Variants in PKHD1 observed in about 807,000 individuals in gnomAD.
PKHD1 encodes the protein fibrocystin.
A neutral mutation model predicts 412.0 loss-of-function variants in PKHD1; 291 were observed. That is an observed-to-expected ratio of 0.71 (90% CI 0.64 to 0.78). PKHD1 has a LOEUF of 0.78. Ranked by LOEUF, PKHD1 falls within the 30% of genes least tolerant of loss-of-function variation. The pLI, the probability that PKHD1 is intolerant of heterozygous loss-of-function variation, is 0.00. For missense variants in PKHD1, 4,825 were observed against 4,950.7 expected (o/e 0.97, Z 0.76); for synonymous variants, 1,777 against 1,821.5 (o/e 0.98, Z 0.62).
chr6:51,821,087 C>T (rs1269790648), intron 52 of PKHD1, among the ~76,000 whole-genome samples: 1 of 152,170 alleles, frequency 6.6e-6, no homozygotes, highest in Admixed American at 6.5e-5. Flanking sequence ...TATGCAATCA[C>T]TCAGTTTCCC....
At chr6:51,814,943 C>T (rs140296191) in intron 52 of PKHD1, among the ~76,000 whole-genome samples, 88 of 152,186 alleles carry the variant, frequency 5.8e-4, no homozygotes, top group African/African-American at 1.9e-3. Context: ...TAAATAAATG[C>T]TAATGTAGAA....
chr6:52,084,733 G>A (rs1812506763), intron 2 of PKHD1, 149 bp downstream of exon 2: 1 of 712,390 alleles, frequency 1.4e-6, no homozygotes, highest in Admixed American at 1.9e-5. Flanking sequence ...TCTGAAAACA[G>A]TATTTTTAAC....
At chr6:52,063,730 C>T (rs1351538063) in intron 13 of PKHD1, among the ~76,000 whole-genome samples, 1 of 152,200 alleles carries the variant, frequency 6.6e-6, no homozygotes, top group Non-Finnish European at 1.5e-5. Flanking sequence ...CCACCACTTC[C>T]GGTCTAACAG....
At chr6:51,823,225 G>A (rs751284498) in intron 52 of PKHD1, among the ~76,000 whole-genome samples, 35 of 152,266 alleles carry the variant, frequency 2.3e-4, no homozygotes, top group Non-Finnish European at 2.9e-5. Flanking sequence ...GGAGACTGAG[G>A]TGGAGTATTT....
At chr6:52,023,060 A>G in intron 32 of PKHD1, 116 bp from the exon 33 acceptor site, 1 of 1,223,382 alleles carries the variant, frequency 8.2e-7, no homozygotes, top group South Asian at 1.3e-5. Flanking sequence ...CATCCTCAGA[A>G]TCCGCACAAC....
At chr6:51,949,629 G>A (rs1022890663) in intron 36 of PKHD1, among the ~76,000 whole-genome samples, 20 of 152,182 alleles carry the variant, frequency 1.3e-4, no homozygotes, top group Admixed American at 9.8e-4. Context: ...CCCAGCCAGA[G>A]AGGCGGAAAA....
At chr6:51,800,760 G>GT (rs1762788244) in intron 52 of PKHD1, among the ~76,000 whole-genome samples, 1 of 152,210 alleles carries the variant, frequency 6.6e-6, no homozygotes, top group South Asian at 2.1e-4. Context: ...GGTATGCACT[G>GT]TATCAGGCCC....
At chr6:51,941,569 A>G (rs1377364526) in intron 36 of PKHD1, among the ~76,000 whole-genome samples, 2 of 151,536 alleles carry the variant, frequency 1.3e-5, no homozygotes, top group Admixed American at 6.6e-5. Flanking sequence ...ATGGCCTTTT[A>G]AAGCCTATAA....
chr6:52,070,451 A>G lies in PKHD1; in HGVS notation c.668-6T>C. 1 of 1,605,764 alleles carries G rather than the reference A, an allele frequency of 6.2e-7. No homozygotes were observed. Among genetic ancestry groups the G allele is most frequent in the Non-Finnish European group, 8.5e-7 (1 of 1,172,788 alleles). On this transcript the variant is annotated splice_polypyrimidine_tract_variant and splice_region_variant and intron_variant, in intron 9 of 66. Transcript: ENST00000371117. ...GAAGCTAACATTCTGGGAGCCTGTA[A>G]CACAAAGAAACACACATTAACTCAG...
chr6:51,623,072 T>G (rs1426649917), intron 66 of PKHD1, among the ~76,000 whole-genome samples: 1 of 152,170 alleles, frequency 6.6e-6, no homozygotes, highest in Non-Finnish European at 1.5e-5. Flanking sequence ...CCATTTCCAC[T>G]ATCATAAAAT....
At chr6:51,740,108 A>G (rs908483999) in intron 60 of PKHD1, 22 of 487,556 alleles carry the variant, frequency 4.5e-5, no homozygotes, top group Admixed American at 3.8e-4. Flanking sequence ...TTCTCAGAAG[A>G]TCACCTGCTT....
intron 37 of PKHD1, among the ~76,000 whole-genome samples, chr6:51,928,236 A>G (rs985115712): frequency 6.6e-6 from 1 of 152,212 alleles, no homozygotes; most frequent in Admixed American, 6.5e-5. Flanking sequence ...TTTTTAAACT[A>G]GATTAATCAG....
chr6:51,820,625 G>C (rs1766240298), intron 52 of PKHD1, among the ~76,000 whole-genome samples: 1 of 152,038 alleles, frequency 6.6e-6, no homozygotes. Context: ...TAGAGAATGG[G>C]TCTAGGCTTT....
intron 66 of PKHD1, among the ~76,000 whole-genome samples, chr6:51,625,190 C>T (rs1420469375): frequency 6.6e-6 from 1 of 152,108 alleles, no homozygotes; most frequent in African/African-American, 2.4e-5. Flanking sequence ...ATCCTAAGTG[C>T]TATGGCAGTG....
chr6:52,008,031 T>C (rs1176228281), intron 35 of PKHD1, among the ~76,000 whole-genome samples: 1 of 152,202 alleles, frequency 6.6e-6, no homozygotes, highest in African/African-American at 2.4e-5. Flanking sequence ...TTCGAAACTA[T>C]GACATTATCA....
intron 60 of PKHD1, among the ~76,000 whole-genome samples, chr6:51,676,232 A>C (rs979951832): frequency 9.8e-5 from 10 of 101,822 alleles, no homozygotes; most frequent in Non-Finnish European, 1.7e-4. Context: ...TGCTAGAAAA[A>C]AAAAAAAATT....
At chr6:51,692,154 T>C (rs1469666116) in intron 60 of PKHD1, among the ~76,000 whole-genome samples, 1 of 152,036 alleles carries the variant, frequency 6.6e-6, no homozygotes. Context: ...CCTTCATTCT[T>C]CTCCCATGTT....
At chr6:51,770,911 G>C (rs991209009) in intron 55 of PKHD1, among the ~76,000 whole-genome samples, 1 of 152,012 alleles carries the variant, frequency 6.6e-6, no homozygotes, top group Non-Finnish European at 1.5e-5. Flanking sequence ...ACACAGTTGA[G>C]TTTAAGGAGA....
intron 52 of PKHD1, among the ~76,000 whole-genome samples, chr6:51,800,101 T>C (rs1000963977): frequency 6.6e-6 from 1 of 152,280 alleles, no homozygotes; most frequent in Middle Eastern, 3.4e-3. Context: ...GAGTTCCAGA[T>C]GTAATTAAAG....
Sources: allele counts gnomAD v4.1 joint callset (sites outside exome capture counted in the v4.1 genomes callset), GRCh38; gene constraint gnomAD v4.1.1; transcripts MANE v1.5; gene names NCBI Gene and HGNC (gene_info 2026-07-23, HGNC 2026-07-21).